SIRT5: variants seen among roughly 807,000 people sequenced by gnomAD.
SIRT5 encodes the protein NAD-dependent protein deacylase sirtuin-5, mitochondrial.
SIRT5 carries 26 observed loss-of-function variants against 40.0 expected under a neutral mutation model. That is an observed-to-expected ratio of 0.65 (90% CI 0.48 to 0.90). The LOEUF (loss-of-function observed/expected upper bound fraction) is 0.90. Among genes scored for constraint, SIRT5 ranks in the 40% least tolerant of loss-of-function variants. The pLI is 0.00. For synonymous variants in SIRT5, 146 were observed against 149.1 expected, an observed-to-expected ratio of 0.98 and a Z score of 0.15; for missense variants, 401 against 402.4, an observed-to-expected ratio of 1.00 and a Z score of 0.03.
chr6:13,587,065 T>G (rs1377918018), intron 3 of SIRT5, among the ~76,000 whole-genome samples: 1 of 151,628 alleles, frequency 6.6e-6, no homozygotes, highest in Non-Finnish European at 1.5e-5. Flanking sequence ...CCAGGGAGCC[T>G]GCTTAGTCAG....
At chr6:13,604,589 T>G in intron 9 of SIRT5, 4 of 1,552,562 alleles carry the variant, frequency 2.6e-6, no homozygotes, top group Non-Finnish European at 3.5e-6. Flanking sequence ...CTGGAGTATT[T>G]CCACAACCCA....
intron 3 of SIRT5, chr6:13,585,086 A>G (rs1759885097): frequency 6.6e-6 from 1 of 152,286 alleles, no homozygotes; most frequent in Non-Finnish European, 1.5e-5. Context: ...GACAAACCTG[A>G]CAAAAACAAG....
At chr6:13,590,208 A>G (rs1181735532) in intron 4 of SIRT5, among the ~76,000 whole-genome samples, 1 of 152,170 alleles carries the variant, frequency 6.6e-6, no homozygotes, top group Non-Finnish European at 1.5e-5. Flanking sequence ...TAACAGGTGC[A>G]TGCAACTGCG....
intron 1 of SIRT5, among the ~76,000 whole-genome samples, chr6:13,578,157 A>G (rs564201783): frequency 2.6e-5 from 4 of 152,282 alleles, no homozygotes; most frequent in East Asian, 3.9e-4. Flanking sequence ...ATAAATCTCA[A>G]TCATGATGAA....
intron 3 of SIRT5, among the ~76,000 whole-genome samples, chr6:13,588,084 C>G (rs1002704700): frequency 6.6e-6 from 1 of 152,200 alleles, no homozygotes; most frequent in African/African-American, 2.4e-5. Flanking sequence ...TAAGATCACA[C>G]ATTTGTGTGG....
intron 7 of SIRT5, among the ~76,000 whole-genome samples, chr6:13,597,364 C>T (rs1362048073): frequency 1.4e-5 from 2 of 147,820 alleles, no homozygotes; most frequent in Non-Finnish European, 1.5e-5. Context: ...ATTATTAATC[C>T]AGGGTTAGGG....
intron 6 of SIRT5, 70 bp from the exon 7 acceptor site, chr6:13,596,893 G>C (rs1370241912): frequency 7.9e-7 from 1 of 1,263,150 alleles, no homozygotes; most frequent in Non-Finnish European, 1.1e-6. Context: ...TATACAAACT[G>C]AGTTATGTTG....
intron 5 of SIRT5, among the ~76,000 whole-genome samples, chr6:13,592,278 T>A (rs1380112686): frequency 6.6e-6 from 1 of 152,166 alleles, no homozygotes; most frequent in Admixed American, 6.5e-5. Context: ...CTTTTTATAC[T>A]GGAGGAACGC....
At chr6:13,582,337 T>C (rs559604488) in intron 2 of SIRT5, among the ~76,000 whole-genome samples, 1 of 152,310 alleles carries the variant, frequency 6.6e-6, no homozygotes, top group East Asian at 1.9e-4. Context: ...TGCCTTTCTC[T>C]TACAAAATAC....
chr6:13,598,423 G>A (rs1439376068), intron 7 of SIRT5, among the ~76,000 whole-genome samples: 1 of 152,170 alleles, frequency 6.6e-6, no homozygotes, highest in African/African-American at 2.4e-5. Flanking sequence ...AGTCCAGTAT[G>A]TCTCCCAGGT....
chr6:13,593,303 A>C (rs1031132928), intron 5 of SIRT5, among the ~76,000 whole-genome samples: 2 of 152,152 alleles, frequency 1.3e-5, no homozygotes, highest in Admixed American at 6.5e-5. Flanking sequence ...GCCTGCTTTT[A>C]CTTAGATCAC....
intron 9 of SIRT5, 58 bp downstream of exon 9, chr6:13,601,007 T>A: frequency 6.8e-6 from 9 of 1,327,900 alleles, no homozygotes; most frequent in Non-Finnish European, 7.5e-6. Context: ...GACATGGTCA[T>A]CTAAACATAG....
rs1762008737 is a variant in SIRT5, at chr6:13,599,070, A to G, written c.656A>G (p.His219Arg). ...GGCTGCGGGGGCTTGCTGCGACCTC[A>G]CGTCGTGTGGTTTGGAGAAAACCTG... ...EAGCGGLLRP[H>R]VVWFGENLDP... Residue 219 changes from histidine to arginine, a missense_variant, in exon 8 of 10, where the codon CAC (histidine) becomes CGC (arginine). Transcript: ENST00000606117. 3.1e-6 allele frequency: 5 copies of G among 1,613,942 alleles called. No homozygotes were observed. Among genetic ancestry groups the G allele is most frequent in the Non-Finnish European group, 4.2e-6 (5 of 1,180,016 alleles).
intron 9 of SIRT5, among the ~76,000 whole-genome samples, chr6:13,604,271 C>T (rs1762797816): frequency 6.6e-6 from 1 of 152,196 alleles, no homozygotes; most frequent in Non-Finnish European, 1.5e-5. Flanking sequence ...ATTGAGCCTC[C>T]GTCTGATTTG....
intron 6 of SIRT5, 136 bp from the exon 7 acceptor site, chr6:13,596,827 C>T (rs1186717371): frequency 1.5e-6 from 1 of 657,594 alleles, no homozygotes; most frequent in South Asian, 2.0e-5. Context: ...CTTCTAATGC[C>T]CTTCCAAGTG....
intron 8 of SIRT5, among the ~76,000 whole-genome samples, chr6:13,599,420 C>T (rs1762072287): frequency 6.6e-6 from 1 of 152,054 alleles, no homozygotes. Flanking sequence ...CCCAGCCCCA[C>T]CAAAAACAAA....
At chr6:13,605,267 A>G (rs201380065) in intron 9 of SIRT5, 5 of 857,088 alleles carry the variant, frequency 5.8e-6, no homozygotes, top group Non-Finnish European at 7.0e-6. Flanking sequence ...ATATGTTTGT[A>G]TATTGTGTGT....
intron 8 of SIRT5, among the ~76,000 whole-genome samples, chr6:13,599,532 C>T (rs184694075): frequency 1.1e-4 from 17 of 152,272 alleles, no homozygotes; most frequent in East Asian, 3.9e-4. Flanking sequence ...AATTAGAAAT[C>T]GCCCATAGTT....
chr6:13,595,459 T>G lies in SIRT5; in HGVS notation c.476-18T>G, dbSNP rs759376343. The G allele has an allele frequency of 1.3e-6, 2 of 1,597,030 alleles. No individual in the cohort carries two copies. Among genetic ancestry groups the G allele is most frequent in the Non-Finnish European group, 1.7e-6 (2 of 1,164,444 alleles). On this transcript the variant is annotated intron_variant, in intron 5 of 9. Coordinates refer to ENST00000606117, the MANE Select transcript of SIRT5 (RefSeq NM_012241.5). ...TGATTATACTAAATTCTGGATTTGC[T>G]TCATATGTATTTTTCAGGTAGCTTA...
Sources: allele counts gnomAD v4.1 joint callset (sites outside exome capture counted in the v4.1 genomes callset), GRCh38; gene constraint gnomAD v4.1.1; transcripts MANE v1.5; gene names NCBI Gene and HGNC (gene_info 2026-07-23, HGNC 2026-07-21).